The following PCDH15 variants were observed in gnomAD, a reference collection of about 807,000 sequenced individuals.
PCDH15 encodes the protein protocadherin-15.
In PCDH15, 129 loss-of-function variants were observed where a neutral mutation model predicts 178.5. That is an observed-to-expected ratio of 0.72 (90% CI 0.63 to 0.84). PCDH15 has a LOEUF of 0.84. PCDH15 is among the 40% of genes least tolerant of loss of function. PCDH15 has a pLI of 0.00. For missense variants in PCDH15, 2,230 were observed against 2,099.9 expected, an observed-to-expected ratio of 1.06 and a Z score of -1.21; for synonymous variants, 800 against 732.0, an observed-to-expected ratio of 1.09 and a Z score of -1.50.
Position 54,170,742 on chromosome 10 carries a change from A to T in PCDH15, c.1590+12702T>A, listed in dbSNP as rs189174285. 5.8e-3 allele frequency among the ~76,000 whole-genome samples: 880 copies of T among 152,020 alleles called. 10 individuals are homozygous for T. Among genetic ancestry groups the T allele is most frequent in the African/African-American group, 0.02 (823 of 41,396 alleles). ...CACCCTGATCACGCTTGATTTATTG[A>T]TGGCGGTTCCACCAGGCCTAATCCC... is the stretch of plus-strand genomic sequence containing the variant. On this transcript the variant is annotated intron_variant, in intron 13 of 37. Transcript: ENST00000644397.
At chr10:55,234,570 G>C (rs1270469114) in intron 1 of PCDH15, among the ~76,000 whole-genome samples, 3 of 151,660 alleles carry the variant, frequency 2.0e-5, no homozygotes, top group Admixed American at 2.0e-4. Context: ...TTGTAGAAAT[G>C]GGGTCTCACC....
At chr10:54,213,881 T>G in intron 10 of PCDH15, 55 bp downstream of exon 10, 1 of 1,148,620 alleles carries the variant, frequency 8.7e-7, no homozygotes, top group Non-Finnish European at 1.3e-6. Context: ...CGTCTACAGA[T>G]TTATCTGATT....
chr10:54,335,452 T>C (rs574702593), intron 6 of PCDH15, among the ~76,000 whole-genome samples: 3 of 152,318 alleles, frequency 2.0e-5, no homozygotes, highest in Admixed American at 6.5e-5. Flanking sequence ...CATGCAAATT[T>C]CATCTTGAAT....
At chr10:54,970,759 G>T (rs1411793734) in intron 2 of PCDH15, among the ~76,000 whole-genome samples, 5 of 152,100 alleles carry the variant, frequency 3.3e-5, no homozygotes, top group Admixed American at 2.0e-4. Context: ...CTACCTGCCT[G>T]TTAGTAACTT....
At chr10:55,290,350 T>G (rs1343292) in intron 1 of PCDH15, among the ~76,000 whole-genome samples, 26,637 of 151,856 alleles carry the variant, frequency 0.18, 4,388 homozygotes, top group African/African-American at 0.43. Context: ...AGGGATAATG[T>G]TTAGAGATCA....
intron 1 of PCDH15, among the ~76,000 whole-genome samples, chr10:55,299,911 T>G (rs181107644): frequency 6.6e-6 from 1 of 152,292 alleles, no homozygotes; most frequent in East Asian, 1.9e-4. Flanking sequence ...TTAAAGAACA[T>G]GAATGCGGCA....
At chr10:54,094,549 C>T (rs1342625928) in intron 15 of PCDH15, among the ~76,000 whole-genome samples, 1 of 152,094 alleles carries the variant, frequency 6.6e-6, no homozygotes, top group East Asian at 1.9e-4. Flanking sequence ...AGAACAACAA[C>T]GAGGTTGTCA....
rs1842442451 is a variant in PCDH15, at chr10:55,096,042, G to C, written c.-80+70534C>G. On this transcript the variant is annotated intron_variant, in intron 2 of 5. Transcript: ENST00000458638. ...TGTGTGTTGGGCCTTGATATATTTAGCAATCTCCCCAGTTCTAAAGCCATG... is the reference window on the plus strand; with the variant it reads ...TGTGTGTTGGGCCTTGATATATTTACCAATCTCCCCAGTTCTAAAGCCATG... Among the ~76,000 whole-genome samples the C allele has an allele frequency of 2.6e-5, 4 of 151,882 alleles. 1 individual carries two copies. In the South Asian group the frequency reaches 8.3e-4, roughly 31 times the overall value.
intron 11 of PCDH15, among the ~76,000 whole-genome samples, chr10:54,192,058 C>T (rs1251068161): frequency 7.4e-6 from 1 of 135,064 alleles, no homozygotes; most frequent in Non-Finnish European, 1.6e-5. Flanking sequence ...GGCAGGAAGG[C>T]AGGCAGGCAG....
chr10:53,940,268 C>A (rs1290361931), intron 24 of PCDH15, among the ~76,000 whole-genome samples: 1 of 152,114 alleles, frequency 6.6e-6, no homozygotes, highest in Non-Finnish European at 1.5e-5. Context: ...TGAGCTATGA[C>A]CTTATTCCCA....
At chr10:54,343,617 G>A (rs1292563106) in intron 6 of PCDH15, among the ~76,000 whole-genome samples, 1 of 149,744 alleles carries the variant, frequency 6.7e-6, no homozygotes, top group Non-Finnish European at 1.5e-5. Flanking sequence ...GCAATAAAAA[G>A]AGTTGCTTAA....
intron 3 of PCDH15, among the ~76,000 whole-genome samples, chr10:54,871,371 C>G (rs1954037069): frequency 6.7e-6 from 1 of 149,900 alleles, no homozygotes; most frequent in Non-Finnish European, 1.5e-5. Context: ...TATTCCAAGT[C>G]TCAGAAATAA....
chr10:55,018,917 C>T (rs956742660), intron 2 of PCDH15, among the ~76,000 whole-genome samples: 1 of 151,932 alleles, frequency 6.6e-6, no homozygotes, highest in East Asian at 1.9e-4. Flanking sequence ...TAATACATGG[C>T]ATAATTTAAT....
chr10:54,117,189 A>G (rs2095129605), intron 15 of PCDH15, among the ~76,000 whole-genome samples: 1 of 152,112 alleles, frequency 6.6e-6, no homozygotes, highest in Non-Finnish European at 1.5e-5. Context: ...AGGGGTGTGA[A>G]GGTGAGTGAA....
At chr10:55,491,851 C>A (rs1247581494) in intron 2 of PCDH15, among the ~76,000 whole-genome samples, 1 of 151,564 alleles carries the variant, frequency 6.6e-6, no homozygotes, top group Non-Finnish European at 1.5e-5. Context: ...AGGTCTCCTG[C>A]AATCCCATTC....
chr10:54,875,231 T>C (rs576889961), intron 3 of PCDH15, among the ~76,000 whole-genome samples: 2 of 152,268 alleles, frequency 1.3e-5, no homozygotes, highest in South Asian at 4.1e-4. Context: ...GATGTTACTA[T>C]TGTAATTGTT....
intron 2 of PCDH15, among the ~76,000 whole-genome samples, chr10:55,419,177 G>A (rs920440212): frequency 1.3e-5 from 2 of 151,694 alleles, no homozygotes; most frequent in Non-Finnish European, 3.0e-5. Context: ...GGCTAAGGTA[G>A]AAAGCGAAAT....
At position 54,516,913 on chromosome 10, in the gene PCDH15, C is replaced by A. The variant is rs1251610365; in HGVS notation, c.157+10899G>T. On this transcript the variant is annotated intron_variant, in intron 3 of 37. Transcript: ENST00000644397. ...AGAGTGGGGGCCAATATTCAACATT[C>A]TTAAAGAAAAGAATTTTCAACCCAG... Among the ~76,000 whole-genome samples, 3 of 152,190 alleles carry A rather than the reference C, an allele frequency of 2.0e-5. No homozygotes were observed. The East Asian group carries it at 5.8e-4, about 29-fold the overall frequency.
At chr10:54,006,257 A>G (rs1424280630) in intron 20 of PCDH15, among the ~76,000 whole-genome samples, 2 of 152,172 alleles carry the variant, frequency 1.3e-5, no homozygotes, top group Non-Finnish European at 2.9e-5. Context: ...CACCAAGTTC[A>G]CTGACAAATA....
Sources: gnomAD v4.1 joint callset for allele counts (sites outside exome capture counted in the v4.1 genomes callset) on GRCh38, gnomAD v4.1.1 for gene constraint, MANE v1.5 for transcripts, NCBI Gene and HGNC (gene_info 2026-07-23, HGNC 2026-07-21) for gene names.